The following PCDHA1 variants were observed in gnomAD, a reference collection of about 807,000 sequenced individuals.
PCDHA1 encodes protocadherin alpha-1.
Under a neutral mutation model 61.3 loss-of-function variants are expected in PCDHA1, and 42 were observed. The ratio of observed to expected loss-of-function variants is 0.69; its 90% confidence interval spans 0.54 to 0.89. The LOEUF (loss-of-function observed/expected upper bound fraction) is 0.89. Among genes scored for constraint, PCDHA1 ranks in the 40% least tolerant of loss-of-function variants. PCDHA1 has a pLI of 0.00. For missense variants in PCDHA1, 1,256 were observed against 1,235.3 expected, an observed-to-expected ratio of 1.02 and a Z score of -0.25; for synonymous variants, 610 against 553.8, an observed-to-expected ratio of 1.10 and a Z score of -1.43.
At chr5:140,875,254 T>A in intron 1 of PCDHA1, 1 of 1,054,680 alleles carries the variant, frequency 9.5e-7, no homozygotes, top group Non-Finnish European at 1.3e-6. Context: ...ATCAGTCACA[T>A]GATGTCGCTC....
At chr5:140,927,889 G>A in intron 1 of PCDHA1, 3 of 1,614,226 alleles carry the variant, frequency 1.9e-6, no homozygotes, top group Non-Finnish European at 2.5e-6. Flanking sequence ...GGTGACTGAC[G>A]TGAACGATCA....
At chr5:140,884,585 A>C in intron 1 of PCDHA1, 2 of 1,614,190 alleles carry the variant, frequency 1.2e-6, no homozygotes, top group Non-Finnish European at 1.7e-6. Context: ...CATGGCCTTC[A>C]GTCCCAGCCT....
rs782226531 is a variant in PCDHA1, at chr5:140,928,688, A to G, written c.2395-50261A>G. 6 of 1,614,004 alleles carry G rather than the reference A, an allele frequency of 3.7e-6. No homozygotes were observed. The African/African-American group carries it at 4.0e-5, about 11-fold the overall frequency. The stretch of plus-strand genomic sequence containing the variant: ...GGTTCTAATGCCTGGCTTTCCTACC[A>G]CATCTCCCGGGCGTCTGACTCTAGT... On this transcript the variant is annotated intron_variant, in intron 1 of 3. Transcript: ENST00000504120.
chr5:140,862,358 ACG>A (rs1554156250), intron 1 of PCDHA1: 1 of 337,982 alleles, frequency 3.0e-6, no homozygotes, highest in Non-Finnish European at 5.8e-6. Context: ...CAAGGGACAG[ACG>A]ACCCGCACCC....
At chr5:140,926,752 C>G in intron 1 of PCDHA1, 2 of 1,254,462 alleles carry the variant, frequency 1.6e-6, no homozygotes, top group East Asian at 5.7e-5. Flanking sequence ...CGTCGGCGGT[C>G]GCTGAGTATC....
intron 1 of PCDHA1, chr5:140,821,613 A>AT: frequency 1.2e-6 from 1 of 802,296 alleles, no homozygotes; most frequent in Non-Finnish European, 1.9e-6. Context: ...TACAGTGAGT[A>AT]GATTTTCCTT....
intron 1 of PCDHA1, chr5:140,927,595 C>A (rs2084392576): frequency 1.2e-6 from 2 of 1,614,038 alleles, no homozygotes; most frequent in South Asian, 2.2e-5. Context: ...TGTATTTGAG[C>A]GCTCCGTATA....
At chr5:140,991,180 C>T (rs2097436577) in intron 3 of PCDHA1, among the ~76,000 whole-genome samples, 1 of 152,160 alleles carries the variant, frequency 6.6e-6, no homozygotes. Context: ...AAGCAGGATG[C>T]CTAGCACACA....
intron 1 of PCDHA1, chr5:140,858,225 C>T (rs2045276704): frequency 6.3e-7 from 1 of 1,596,714 alleles, no homozygotes; most frequent in South Asian, 1.1e-5. Context: ...GCGGCGCCCA[C>T]CGAGGGCGCA....
rs2150292750 is a variant in PCDHA1, at chr5:140,838,829, G to C, written c.2394+50145G>C. ...TTCAGCTACTCAAGAAACTGAGGTG[G>C]GAGGATCACTTAAGCCAGGGAGGTC... On this transcript the variant is annotated intron_variant, in intron 1 of 3. Coordinates refer to ENST00000504120, the MANE Select transcript of PCDHA1 (RefSeq NM_018900.4). Among the ~76,000 whole-genome samples, 185 of 151,952 alleles carry C rather than the reference G, an allele frequency of 1.2e-3. 4 individuals carry two copies. Among genetic ancestry groups the C allele is most frequent in the African/African-American group, 4.4e-3 (182 of 41,404 alleles).
At chr5:140,899,158 T>G (rs1285542285) in intron 1 of PCDHA1, among the ~76,000 whole-genome samples, 1 of 152,188 alleles carries the variant, frequency 6.6e-6, no homozygotes, top group African/African-American at 2.4e-5. Context: ...TGACTTCCTC[T>G]TTTCCTAATT....
chr5:140,996,659 T>C (rs2097736809), intron 3 of PCDHA1, among the ~76,000 whole-genome samples: 1 of 152,230 alleles, frequency 6.6e-6, no homozygotes, highest in Non-Finnish European at 1.5e-5. Context: ...GGGTGCAGGC[T>C]AGTTTTTGAA....
Position 140,788,020 on chromosome 5 carries a change from T to C in PCDHA1, c.1730T>C (p.Val577Ala). Residue 577 changes from valine (V) to alanine (A), a missense_variant, in exon 1 of 4, where the codon GTC becomes GCC. By Grantham distance (64) the Val-to-Ala change is moderately conservative (BLOSUM62 0). Transcript: ENST00000504120. ...CGAGTGGGTGGCACTATTGGTGCAG[T>C]CAGTGAGCTGGTGCCGCGATTGGTG... ...APRVGGTIGA[V>A]SELVPRLVGA... 6.2e-7 allele frequency: 1 copy of C among 1,613,964 alleles called. No individual in the cohort carries two copies. Among genetic ancestry groups the C allele is most frequent in the African/African-American group, 1.3e-5 (1 of 75,046 alleles).
chr5:140,838,115 TG>T (rs1554136890), intron 1 of PCDHA1, among the ~76,000 whole-genome samples: 5 of 149,894 alleles, frequency 3.3e-5, no homozygotes, highest in Non-Finnish European at 7.4e-5. Context: ...TGTGTGTGTG[TG>T]TGTGTGTGTG....
rs141944892 is a variant in PCDHA1, at chr5:140,818,708, C to T, written c.2394+30024C>T. Reference sequence around the variant, plus strand: ...AAAAAATTAGCTAGATGTGGTGGTGCACACCTGTGGTCCCAGCTACTTGGG... The same window carrying T: ...AAAAAATTAGCTAGATGTGGTGGTGTACACCTGTGGTCCCAGCTACTTGGG... On this transcript the variant is annotated intron_variant, in intron 1 of 3. Coordinates refer to ENST00000504120, the MANE Select transcript of PCDHA1 (RefSeq NM_018900.4). Among the ~76,000 whole-genome samples the T allele has an allele frequency of 4.7e-3, 709 of 152,220 alleles. 10 individuals are homozygous for T. Among genetic ancestry groups the T allele is most frequent in the African/African-American group, 0.016 (664 of 41,536 alleles).
intron 1 of PCDHA1, chr5:140,824,260 A>G (rs2150133721): frequency 2.3e-6 from 3 of 1,322,828 alleles, no homozygotes; most frequent in South Asian, 2.6e-5. Context: ...TTATTGCACT[A>G]ATTCATGTAT....
chr5:140,882,302 C>A, intron 1 of PCDHA1: 1 of 1,613,798 alleles, frequency 6.2e-7, no homozygotes, highest in Non-Finnish European at 8.5e-7. Context: ...CCCAAGACCG[C>A]GGCAACTACT....
chr5:140,851,664 A>G, intron 1 of PCDHA1: 1 of 913,742 alleles, frequency 1.1e-6, no homozygotes, highest in South Asian at 5.0e-5. Flanking sequence ...TTCTCCTTTT[A>G]ATTGAAATTT....
chr5:140,939,710 T>A (rs1317905162), intron 1 of PCDHA1, among the ~76,000 whole-genome samples: 8 of 152,230 alleles, frequency 5.3e-5, no homozygotes, highest in Non-Finnish European at 1.2e-4. Context: ...ATTTGTGAGA[T>A]ACATTTATAT....
Sources: allele counts gnomAD v4.1 joint callset (sites outside exome capture counted in the v4.1 genomes callset), GRCh38; gene constraint gnomAD v4.1.1; transcripts MANE v1.5; gene names NCBI Gene and HGNC (gene_info 2026-07-23, HGNC 2026-07-21).